The following AIFM1 variants were observed in gnomAD, a reference collection of about 807,000 sequenced individuals.
The protein encoded by AIFM1 is apoptosis inducing factor mitochondria associated 1.
Under a neutral mutation model 51.7 loss-of-function variants are expected in AIFM1, and 3 were observed. The observed-to-expected ratio is 0.06, with a 90% CI of 0.03 to 0.15. The LOEUF (loss-of-function observed/expected upper bound fraction) is 0.15. AIFM1 is among the 10% of genes least tolerant of loss of function. The probability of loss-of-function intolerance (pLI) is 1.00; values close to 1 mark genes in which losing one functional copy is unlikely to be tolerated. For synonymous variants in AIFM1, 178 were observed against 179.4 expected, an observed-to-expected ratio of 0.99 and a Z score of 0.06; for missense variants, 330 against 476.8, an observed-to-expected ratio of 0.69 and a Z score of 2.87.
chrX:130,153,240 C>T (rs1372563860), intron 2 of AIFM1, among the ~76,000 whole-genome samples: 1 of 103,187 alleles, frequency 9.7e-6, no homozygotes, highest in Non-Finnish European at 2.0e-5. Context: ...GTCCCAGCTA[C>T]TCCTCGGGAG....
chrX:130,150,631 G>A (rs1231545376), intron 2 of AIFM1, among the ~76,000 whole-genome samples: 9 of 104,466 alleles, frequency 8.6e-5, no homozygotes, highest in African/African-American at 2.1e-4. Context: ...CACCGCGCCC[G>A]GCCTATTGGA....
chrX:130,142,826 A>G (rs1021970934), intron 6 of AIFM1, among the ~76,000 whole-genome samples: 3 of 110,772 alleles, frequency 2.7e-5, no homozygotes, highest in Non-Finnish European at 5.7e-5. Context: ...TTGTATTTTT[A>G]GTAGAGATGT....
chrX:130,151,113 C>T (rs923034096), intron 2 of AIFM1, among the ~76,000 whole-genome samples: 3 of 108,264 alleles, frequency 2.8e-5, no homozygotes, highest in Non-Finnish European at 3.8e-5. Context: ...AAAGTAAAGA[C>T]AATCAGAGGA....
intron 1 of AIFM1, among the ~76,000 whole-genome samples, chrX:130,158,455 G>GCCAGGCC (rs1210397806): frequency 4.2e-4 from 46 of 110,141 alleles, no homozygotes; most frequent in African/African-American, 1.5e-3. Context: ...AACAAAGCTG[G>GCCAGGCC]CCAGGCCCCA....
chrX:130,147,631 C>T lies in AIFM1; in HGVS notation c.475-8G>A, dbSNP rs756864228. ...TTCAGATACAATCAGTACCTTCAGA[C>T]ATAAAAATCATGACGCTTATCAGAG... is the stretch of plus-strand genomic sequence containing the variant. On this transcript the variant is annotated splice_region_variant and splice_polypyrimidine_tract_variant and intron_variant, in intron 4 of 15. Transcript: ENST00000287295. 5.8e-6 allele frequency: 7 copies of T among 1,210,479 alleles called. No homozygotes were observed. Among genetic ancestry groups the T allele is most frequent in the Non-Finnish European group, 2.2e-6 (2 of 895,437 alleles).
intron 9 of AIFM1, among the ~76,000 whole-genome samples, chrX:130,138,262 G>C (rs759865484): frequency 1.3e-4 from 14 of 110,564 alleles, no homozygotes; most frequent in Admixed American, 2.9e-4. Flanking sequence ...TCAGGAGATC[G>C]AGACAGTCCT....
Position 130,152,909 on chromosome X carries a change from T to C in AIFM1, c.250-3341A>G, listed in dbSNP as rs1038500134. On this transcript the variant is annotated intron_variant, in intron 2 of 15. Transcript: ENST00000287295. ...AACACAAATAGAAGAGAACAGAAGC[T>C]AGAGTAAGTGTATGATACCTAGTAA... Among the ~76,000 whole-genome samples, 8 of 111,833 alleles carry C rather than the reference T, an allele frequency of 7.2e-5. No homozygotes were observed. The East Asian group carries it at 2.0e-3, about 27-fold the overall frequency.
chrX:130,130,667 G>A (rs983156207), intron 14 of AIFM1, among the ~76,000 whole-genome samples: 3 of 112,706 alleles, frequency 2.7e-5, no homozygotes, highest in Non-Finnish European at 5.6e-5. Flanking sequence ...TAACGTACTG[G>A]ACAGAGCAGA....
chrX:130,141,275 G>C (rs746308023), intron 6 of AIFM1, among the ~76,000 whole-genome samples: 1 of 111,830 alleles, frequency 8.9e-6, no homozygotes, highest in Non-Finnish European at 1.9e-5. Flanking sequence ...ACAGTTTCTG[G>C]TACCCAGTTT....
chrX:130,135,951 T>C, intron 12 of AIFM1, 94 bp downstream of exon 12: 1 of 1,111,473 alleles, frequency 9.0e-7, no homozygotes, highest in Non-Finnish European at 1.2e-6. Flanking sequence ...CCCTATTTGG[T>C]TAGGCTGTTG....
intron 2 of AIFM1, chrX:130,155,232 G>A: frequency 8.3e-7 from 1 of 1,210,388 alleles, no homozygotes; most frequent in Non-Finnish European, 1.1e-6. Flanking sequence ...TTTCCCAGAA[G>A]CACCTGTAGA....
chrX:130,135,966 G>C (rs2030317760), intron 12 of AIFM1, 79 bp downstream of exon 12: 8 of 1,171,966 alleles, frequency 6.8e-6, no homozygotes, highest in Non-Finnish European at 9.3e-6. Flanking sequence ...CTGTTGATGA[G>C]CTTTAGCACA....
intron 1 of AIFM1, among the ~76,000 whole-genome samples, chrX:130,163,951 C>A (rs1252916727): frequency 2.5e-4 from 26 of 102,369 alleles, no homozygotes; most frequent in Non-Finnish European, 4.7e-4. Context: ...GTCAGGAGAT[C>A]GAGACCATCC....
intron 13 of AIFM1, 64 bp downstream of exon 13, chrX:130,133,249 T>A: frequency 8.5e-7 from 1 of 1,176,127 alleles, no homozygotes; most frequent in South Asian, 1.8e-5. Flanking sequence ...ACCATAACTC[T>A]GTGTTATGGT....
At chrX:130,164,409 A>C (rs1290287658) in intron 1 of AIFM1, among the ~76,000 whole-genome samples, 1 of 112,740 alleles carries the variant, frequency 8.9e-6, no homozygotes, top group African/African-American at 3.2e-5. Flanking sequence ...GCACATTTGC[A>C]AAGACCCTAA....
intron 6 of AIFM1, among the ~76,000 whole-genome samples, chrX:130,143,231 T>C: frequency 8.9e-6 from 1 of 111,784 alleles, no homozygotes; most frequent in Non-Finnish European, 1.9e-5. Context: ...GATTCTCAGC[T>C]CTCTATCTGA....
At chrX:130,144,595 T>C (rs187626196) in intron 6 of AIFM1, among the ~76,000 whole-genome samples, 24 of 111,786 alleles carry the variant, frequency 2.1e-4, no homozygotes, top group Non-Finnish European at 4.3e-4. Flanking sequence ...TTCCATAAGA[T>C]TGCCCATTCT....
At chrX:130,135,596 C>A (rs1317274114) in intron 12 of AIFM1, among the ~76,000 whole-genome samples, 1 of 110,524 alleles carries the variant, frequency 9.0e-6, no homozygotes, top group Non-Finnish European at 1.9e-5. Context: ...TTGTTTATGT[C>A]ATAATAGATT....
chrX:130,153,209 G>A (rs1198538665), intron 2 of AIFM1, among the ~76,000 whole-genome samples: 2 of 104,888 alleles, frequency 1.9e-5, no homozygotes, highest in Non-Finnish European at 3.9e-5. Flanking sequence ...AATTAGCCGG[G>A]CATGGTGGCA....
Sources: gnomAD v4.1 joint callset for allele counts (sites outside exome capture counted in the v4.1 genomes callset) on GRCh38, gnomAD v4.1.1 for gene constraint, MANE v1.5 for transcripts, NCBI Gene and HGNC (gene_info 2026-07-23, HGNC 2026-07-21) for gene names.